PTGES2: variants seen among roughly 807,000 people sequenced by gnomAD.
PTGES2 encodes the protein GATE-binding factor 1.
In PTGES2, 35 loss-of-function variants were observed where a neutral mutation model predicts 44.5. The observed-to-expected ratio is 0.79, with a 90% CI of 0.60 to 1.04. The LOEUF (loss-of-function observed/expected upper bound fraction) is 1.04, where lower values mean the gene tolerates loss of function less well. Among genes scored for constraint, PTGES2 ranks in the 50% least tolerant of loss-of-function variants. The pLI, the probability that PTGES2 is intolerant of heterozygous loss-of-function variation, is 0.00. For synonymous variants in PTGES2, 221 were observed against 227.5 expected (o/e 0.97, Z 0.26); for missense variants, 517 against 521.4 (o/e 0.99, Z 0.08).
rs1242427824 is a variant in PTGES2, at chr9:128,125,319, A to C, written c.402T>G (p.Pro134=). The change falls in exon 2 of 7, where the codon CCT becomes CCG. Residue 134 remains proline (P), a synonymous_variant. Coordinates refer to ENST00000338961, the MANE Select transcript of PTGES2 (RefSeq NM_025072.7). ...AGAACTTGATCTCAGCCCTGCGCAC[A>C]GGGTTCACCTCCACCACCTGGTAGG... is the stretch of plus-strand genomic sequence containing the variant. ...ALPYQVVEVN[P]VRRAEIKFSS... 11 of 1,614,034 alleles carry C rather than the reference A, an allele frequency of 6.8e-6. No homozygotes were observed. The highest frequency in any genetic ancestry group is 8.5e-6 in the Non-Finnish European group (10 of 1,179,948).
chr9:128,123,690 A>AGCCCCC lies in PTGES2; in HGVS notation c.686+11_686+12insGGGGGC, dbSNP rs2130850812. On this transcript the variant is annotated intron_variant, in intron 4 of 6. Transcript: ENST00000338961. This position sits in a 1 kb window ranked among gnomAD's most constrained non-coding sequence, Gnocchi z 4.4. ...GTCACCACCTTCCCCCGCCAGCCCC[A>AGCCCCC]GCCCCACTCACGTCCTGGCCTCCTT... 6.3e-7 allele frequency: 1 copy of AGCCCCC among 1,594,764 alleles called. No individual in the cohort carries two copies. Among genetic ancestry groups the AGCCCCC allele is most frequent in the Non-Finnish European group, 8.6e-7 (1 of 1,168,780 alleles).
intron 1 of PTGES2, among the ~76,000 whole-genome samples, 190 bp downstream of exon 1, chr9:128,127,249 A>T (rs577569252): frequency 2.0e-5 from 3 of 150,676 alleles, no homozygotes; most frequent in African/African-American, 7.3e-5. Context: ...GAACTCGAAC[A>T]ATTCCAGGTA....
chr9:128,125,143 T>C, intron 2 of PTGES2, 101 bp downstream of exon 2: 3 of 1,101,552 alleles, frequency 2.7e-6, no homozygotes, highest in Non-Finnish European at 3.9e-6. Context: ...GGCACAAGGA[T>C]CACAAGTTCC....
chr9:128,125,124 G>T, intron 2 of PTGES2, 120 bp downstream of exon 2: 1 of 946,896 alleles, frequency 1.1e-6, no homozygotes, highest in Non-Finnish European at 1.6e-6. Context: ...TTCCCCCATA[G>T]TCCTTACAGG....
At chr9:128,125,485 A>G (rs756121292) in intron 1 of PTGES2, 44 bp from the exon 2 acceptor site, 30 of 1,585,248 alleles carry the variant, frequency 1.9e-5, no homozygotes, top group Non-Finnish European at 2.5e-5. Context: ...TGGCACCCCC[A>G]GGCCCAGGCC....
intron 2 of PTGES2, chr9:128,124,914 C>G (rs1834560985): frequency 8.0e-7 from 1 of 1,243,662 alleles, no homozygotes; most frequent in South Asian, 1.9e-5. Context: ...ATGAAGCAAG[C>G]AAGCGCAGAG....
Position 128,124,550 on chromosome 9 carries a change from G to A in PTGES2, c.478C>T (p.Gln160Ter). Residue 160 changes from glutamine to a stop codon, truncating the protein, a stop_gained and splice_region_variant, in exon 3 of 7, where the codon CAA (glutamine) becomes TAA (stop). Coordinates refer to ENST00000338961, the MANE Select transcript of PTGES2 (RefSeq NM_025072.7). LOFTEE classifies it high-confidence loss of function. ...ATGACAGAGGAGTCATTTAGTTGTT[G>A]CTGGAAGAGAAAAGGGTGGTTTAAT... ...ILVAQEGESS[Q>*]QLNDSSVIIS... 6.2e-7 allele frequency: 1 copy of A among 1,613,276 alleles called. No homozygotes were observed. Among genetic ancestry groups the A allele is most frequent in the Non-Finnish European group, 8.5e-7 (1 of 1,179,434 alleles).
chr9:128,124,844 T>C (rs1420363508), intron 2 of PTGES2: 3 of 1,258,622 alleles, frequency 2.4e-6, no homozygotes, highest in South Asian at 1.9e-5. Context: ...CCCCAAGCAC[T>C]GTGCCAGGCA....
At chr9:128,124,595 G>T in intron 2 of PTGES2, 45 bp from the exon 3 acceptor site, 2 of 1,564,538 alleles carry the variant, frequency 1.3e-6, no homozygotes, top group South Asian at 1.1e-5. Context: ...CAACCCAGCC[G>T]CTGGGAGTCA....
intron 1 of PTGES2, among the ~76,000 whole-genome samples, chr9:128,125,951 A>C (rs1340565016): frequency 2.0e-5 from 3 of 152,180 alleles, no homozygotes; most frequent in African/African-American, 7.2e-5. Context: ...CTGCCATCCA[A>C]GCTGGAGTGC....
At chr9:128,122,326 C>T in intron 6 of PTGES2, 36 bp downstream of exon 6, 1 of 1,549,500 alleles carries the variant, frequency 6.5e-7, no homozygotes, top group Non-Finnish European at 8.9e-7. Flanking sequence ...GGACAGAACC[C>T]TCGGTCCAGG....
Position 128,127,711 on chromosome 9 carries a change from G to T in PTGES2, c.7C>A (p.Pro3Thr). 7.9e-7 allele frequency: 1 copy of T among 1,270,818 alleles called. No individual in the cohort carries two copies. The allele number at this position is 1,270,818 out of a possible 1,614,324, so 78.7% of individuals were successfully genotyped here. Residue 3 changes from proline to threonine, a missense_variant, in exon 1 of 7, where the codon CCG becomes ACG. Transcript: ENST00000338961. Reference sequence around the variant, plus strand: ...AGCGCCCGCACCACCCGCGCAGCCGGGTCCATGTTCGCTCCGCCGGCGCCG... The same window carrying T: ...AGCGCCCGCACCACCCGCGCAGCCGTGTCCATGTTCGCTCCGCCGGCGCCG... MDPAARVVRALWP... is the reference protein window; with the variant it reads MDTAARVVRALWP...
At chr9:128,125,685 C>A (rs930842458) in intron 1 of PTGES2, among the ~76,000 whole-genome samples, 7 of 152,136 alleles carry the variant, frequency 4.6e-5, no homozygotes, top group Non-Finnish European at 1.0e-4. Context: ...TAGGAGGAAT[C>A]TTCTAGTCTC....
chr9:128,122,606 T>A, intron 5 of PTGES2, 127 bp from the exon 6 acceptor site: 1 of 759,344 alleles, frequency 1.3e-6, no homozygotes, highest in East Asian at 2.5e-5. Flanking sequence ...GAGCATCACA[T>A]CTGCAGACGC....
At position 128,121,232 on chromosome 9, in the gene PTGES2, C is replaced by G; in HGVS notation, c.1047G>C (p.Ala349=). ...GVLRVMEGLD[A]FDDLMQHTHI... ...GCGTGTGCTGCATCAGGTCATCGAA[C>G]GCATCCAGCCCCTCCATCACACGCA... The change falls in exon 7 of 7, where the codon GCG becomes GCC. Residue 349 remains alanine (A), a synonymous_variant. Coordinates refer to ENST00000338961, the MANE Select transcript of PTGES2 (RefSeq NM_025072.7). 2 of 1,607,288 alleles carry G rather than the reference C, an allele frequency of 1.2e-6. No individual in the cohort carries two copies. The highest frequency in any genetic ancestry group is 2.2e-5 in the East Asian group (1 of 44,556).
At chr9:128,128,192 C>G (rs1296380837), upstream of PTGES2, 6 of 370,714 alleles carry the variant, frequency 1.6e-5, no homozygotes, top group South Asian at 5.7e-5. Flanking sequence ...TCTCTCTGCC[C>G]TCCCGCCTCA....
At chr9:128,122,552 G>A in intron 5 of PTGES2, 73 bp from the exon 6 acceptor site, 1 of 1,297,860 alleles carries the variant, frequency 7.7e-7, no homozygotes, top group South Asian at 1.2e-5. Context: ...GTCTCCTCTG[G>A]GGAGAGGGGG....
intron 1 of PTGES2, 57 bp downstream of exon 1, chr9:128,127,382 G>A (rs2130858855): frequency 1.5e-6 from 2 of 1,307,972 alleles, no homozygotes; most frequent in South Asian, 2.4e-5. Flanking sequence ...CGGGTTCCCA[G>A]GAGTCCCGAG....
In PTGES2 at chr9:128,121,119, C is replaced by T; in HGVS notation, c.*26G>A. On this transcript the variant is annotated 3_prime_UTR_variant, in exon 7 of 7. Coordinates refer to ENST00000338961, the MANE Select transcript of PTGES2 (RefSeq NM_025072.7). ...CCTGGCAGCTGGCGTCTTCCGCTGC[C>T]TTCCCTCTGCTCTGCGCGGGGACAT... The T allele has an allele frequency of 6.4e-7, 1 of 1,567,628 alleles. No individual in the cohort carries two copies. Among genetic ancestry groups the T allele is most frequent in the African/African-American group, 1.4e-5 (1 of 73,976 alleles).
Sources: allele counts gnomAD v4.1 joint callset (sites outside exome capture counted in the v4.1 genomes callset), GRCh38; gene constraint gnomAD v4.1.1; non-coding constraint Gnocchi (gnomAD v3.1); transcripts MANE v1.5; gene names NCBI Gene and HGNC (gene_info 2026-07-23, HGNC 2026-07-21).